The following CSNK1G1 variants were observed in gnomAD, a reference collection of about 807,000 sequenced individuals.
CSNK1G1 encodes the protein casein kinase I isoform gamma-1.
A neutral mutation model predicts 59.6 loss-of-function variants in CSNK1G1; 22 were observed. The ratio of observed to expected loss-of-function variants is 0.37; its 90% CI spans 0.26 to 0.53. CSNK1G1 has a LOEUF of 0.53. CSNK1G1 is among the 20% of genes least tolerant of loss of function. The pLI is 0.89. For missense variants in CSNK1G1, 384 were observed against 519.5 expected (o/e 0.74, Z 2.54); for synonymous variants, 179 against 177.1 (o/e 1.01, Z -0.08).
At chr15:64,238,559 A>C (rs2082651697) in intron 4 of CSNK1G1, among the ~76,000 whole-genome samples, 1 of 142,970 alleles carries the variant, frequency 7.0e-6, no homozygotes, top group African/African-American at 2.6e-5. Context: ...AAAAACCCAC[A>C]TTCCTAGTGC....
chr15:64,178,732 A>G (rs2081771917), intron 11 of CSNK1G1, among the ~76,000 whole-genome samples: 1 of 151,906 alleles, frequency 6.6e-6, no homozygotes, highest in African/African-American at 2.4e-5. Flanking sequence ...CTCCTGCCTC[A>G]GCTTCCCAAA....
intron 4 of CSNK1G1, among the ~76,000 whole-genome samples, chr15:64,235,088 CAAG>C (rs2082597753): frequency 6.6e-6 from 1 of 152,074 alleles, no homozygotes; most frequent in Non-Finnish European, 1.5e-5. Flanking sequence ...GTGTCAGAGA[CAAG>C]AAGAGTTGAA....
At chr15:64,247,323 A>G (rs771234110) in intron 4 of CSNK1G1, among the ~76,000 whole-genome samples, 1 of 152,342 alleles carries the variant, frequency 6.6e-6, no homozygotes, top group East Asian at 1.9e-4. Context: ...GAAGAAAATA[A>G]GAAAAATAGT....
chr15:64,293,419 G>A (rs1398775853), intron 2 of CSNK1G1, among the ~76,000 whole-genome samples: 1 of 152,178 alleles, frequency 6.6e-6, no homozygotes, highest in African/African-American at 2.4e-5. Flanking sequence ...CTATCAGACT[G>A]TCATAGATGA....
intron 2 of CSNK1G1, among the ~76,000 whole-genome samples, chr15:64,261,804 G>A (rs572491091): frequency 7.2e-5 from 11 of 151,752 alleles, no homozygotes; most frequent in Non-Finnish European, 1.3e-4. Context: ...TTAGGCAGGC[G>A]TGGTAGTGTG....
At chr15:64,241,288 G>T (rs900731659) in intron 4 of CSNK1G1, among the ~76,000 whole-genome samples, 12 of 152,152 alleles carry the variant, frequency 7.9e-5, no homozygotes, top group Non-Finnish European at 2.9e-5. Flanking sequence ...ATGTTAAAGA[G>T]AACAATCCAG....
intron 1 of CSNK1G1, among the ~76,000 whole-genome samples, chr15:64,324,608 T>G (rs1244203365): frequency 6.6e-6 from 1 of 152,254 alleles, no homozygotes; most frequent in Non-Finnish European, 1.5e-5. Flanking sequence ...TTTTGAGGTT[T>G]TGGGACTCAG....
intron 4 of CSNK1G1, among the ~76,000 whole-genome samples, chr15:64,244,637 C>T (rs960708397): frequency 1.3e-5 from 2 of 151,992 alleles, no homozygotes; most frequent in Non-Finnish European, 2.9e-5. Context: ...AATCCCAGCA[C>T]TTTGGGAGGC....
intron 3 of CSNK1G1, among the ~76,000 whole-genome samples, chr15:64,258,177 G>GA (rs1049228299): frequency 3.9e-5 from 6 of 152,102 alleles, no homozygotes; most frequent in Admixed American, 6.6e-5. Flanking sequence ...AGCACTTTGG[G>GA]AGGCCGAGCT....
In CSNK1G1 at chr15:64,255,190, C is replaced by T. The variant is rs575164027; in HGVS notation, c.223-3609G>A. ...CTCCCGGGTTCAAGCAATTCTTCTG[C>T]CTCAGCCTCCCAAGTAGCTGAGACT... On this transcript the variant is annotated intron_variant, in intron 3 of 11. Transcript: ENST00000303052. Among the ~76,000 whole-genome samples the T allele has an allele frequency of 5.9e-5, 9 of 152,282 alleles. 1 individual carries two copies. The highest frequency in any genetic ancestry group is 1.7e-4 in the African/African-American group (7 of 41,560).
In CSNK1G1 at chr15:64,224,746, G is replaced by C. The variant is rs1200455112; in HGVS notation, c.293-8033C>G. Reference sequence around the variant, plus strand: ...GGGAACTGGAATACTGCCAAACATAGGCTGCTAACACGAGCTCAAATTTGT... The same window carrying C: ...GGGAACTGGAATACTGCCAAACATACGCTGCTAACACGAGCTCAAATTTGT... On this transcript the variant is annotated intron_variant, in intron 4 of 11. Transcript: ENST00000303052. 3.3e-5 allele frequency among the ~76,000 whole-genome samples: 5 copies of C among 152,244 alleles called. No homozygotes were observed. The East Asian group carries it at 7.7e-4, about 24-fold the overall frequency.
chr15:64,352,447 C>CTTCTTTTTTTTTTTTTTTTTTTTTTT (rs1566958699), intron 1 of CSNK1G1, among the ~76,000 whole-genome samples: 29 of 89,428 alleles, frequency 3.2e-4, no homozygotes, highest in Non-Finnish European at 5.3e-4. Flanking sequence ...TTGAATTCTT[C>CTTCTTTTTTTTTTTTTTTTTTTTTTT]TTTTTTTTTT....
intron 1 of CSNK1G1, among the ~76,000 whole-genome samples, chr15:64,303,716 C>CA (rs1244429304): frequency 6.7e-6 from 1 of 150,016 alleles, no homozygotes; most frequent in Non-Finnish European, 1.5e-5. Context: ...TGCCATTGCA[C>CA]TCCAGCCTGG....
chr15:64,287,126 T>C (rs985915299), intron 2 of CSNK1G1, among the ~76,000 whole-genome samples: 3 of 152,186 alleles, frequency 2.0e-5, no homozygotes, highest in African/African-American at 7.2e-5. Context: ...TGGCATATAA[T>C]AGAAATAGCT....
At chr15:64,322,128 T>C (rs1462047268) in intron 1 of CSNK1G1, among the ~76,000 whole-genome samples, 1 of 152,172 alleles carries the variant, frequency 6.6e-6, no homozygotes, top group Non-Finnish European at 1.5e-5. Flanking sequence ...CTGAAATCAA[T>C]ATTCTGTAAT....
intron 1 of CSNK1G1, among the ~76,000 whole-genome samples, chr15:64,326,130 A>C (rs907746557): frequency 6.6e-6 from 1 of 152,124 alleles, no homozygotes; most frequent in African/African-American, 2.4e-5. Flanking sequence ...GTTTCAAGTG[A>C]TTCTTGTGCC....
chr15:64,347,615 AGAAGGAAG>A (rs756845486), intron 1 of CSNK1G1, among the ~76,000 whole-genome samples: 6 of 150,562 alleles, frequency 4.0e-5, no homozygotes, highest in African/African-American at 1.2e-4. Flanking sequence ...AAACAAGGAA[AGAAGGAAG>A]GAAGGAAGGA....
chr15:64,166,034 C>T lies in CSNK1G1; in HGVS notation c.*5897G>A, dbSNP rs907335500. 10 of 678,246 alleles carry T rather than the reference C, an allele frequency of 1.5e-5. No homozygotes were observed. In the African/African-American group the frequency reaches 1.6e-4, roughly 11 times the overall value. 42.0% of individuals were successfully genotyped at this position (678,246 alleles called of 1,614,324 possible). ...AAAAATACTACAAATTTCATTTTCA[C>T]AGCTGAGCTTTGTGACCAGTGCCAG... On this transcript the variant is annotated 3_prime_UTR_variant, in exon 12 of 12. Coordinates refer to ENST00000303052, the MANE Select transcript of CSNK1G1 (RefSeq NM_022048.5). This position sits in a 1 kb window ranked among gnomAD's most constrained non-coding sequence, Gnocchi z 4.5.
rs568663343 is a variant in CSNK1G1 at position 64,176,024 on chromosome 15, T to C, written c.1215-4039A>G. ...ATAGATAATTTTGGATACTGTGGGA[T>C]ACTGTTATGGCAGGAGGAGACAGCG... On this transcript the variant is annotated intron_variant, in intron 11 of 11. Transcript: ENST00000303052. The surrounding 1 kb of genome is among the most constrained non-coding windows in gnomAD (Gnocchi z 5.2). Among the ~76,000 whole-genome samples, 1 of 152,340 alleles carries C rather than the reference T, an allele frequency of 6.6e-6. No homozygotes were observed. The highest frequency in any genetic ancestry group is 2.4e-5 in the African/African-American group (1 of 41,570).
Sources: allele counts gnomAD v4.1 joint callset (sites outside exome capture counted in the v4.1 genomes callset), GRCh38; gene constraint gnomAD v4.1.1; non-coding constraint Gnocchi (gnomAD v3.1); transcripts MANE v1.5; gene names NCBI Gene and HGNC (gene_info 2026-07-23, HGNC 2026-07-21).